CADPS: variants seen among roughly 807,000 people sequenced by gnomAD.
CADPS encodes the protein calcium dependent secretion activator.
In CADPS, 57 loss-of-function variants were observed where a neutral mutation model predicts 167.3. That is an observed-to-expected ratio of 0.34 (90% confidence interval 0.28 to 0.42). The LOEUF is 0.42. Ranked by LOEUF, CADPS falls within the 20% of genes least tolerant of loss-of-function variation. The probability of loss-of-function intolerance (pLI) is 1.00; values close to 1 mark genes in which losing one functional copy is unlikely to be tolerated. For synonymous variants in CADPS, 676 were observed against 635.3 expected, an observed-to-expected ratio of 1.06 and a Z score of -0.96; for missense variants, 1,414 against 1,738.1, an observed-to-expected ratio of 0.81 and a Z score of 3.32.
At chr3:62,715,247 T>G (rs1396130381) in intron 3 of CADPS, among the ~76,000 whole-genome samples, 1 of 152,068 alleles carries the variant, frequency 6.6e-6, no homozygotes, top group Non-Finnish European at 1.5e-5. Flanking sequence ...CTATTCTCTT[T>G]ATTTTAGCAC....
At chr3:62,470,822 G>A (rs973429972) in intron 24 of CADPS, 2 of 150,102 alleles carry the variant, frequency 1.3e-5, no homozygotes, top group African/African-American at 5.0e-5. Context: ...AAGATATTCA[G>A]TCTAGATGTG....
intron 10 of CADPS, among the ~76,000 whole-genome samples, chr3:62,553,452 T>C (rs1049308224): frequency 1.3e-5 from 2 of 152,210 alleles, no homozygotes; most frequent in African/African-American, 2.4e-5. Flanking sequence ...CTGGGTTGTA[T>C]GTGTCAGAGC....
At chr3:62,750,585 A>T (rs1234802419) in intron 3 of CADPS, among the ~76,000 whole-genome samples, 2 of 152,172 alleles carry the variant, frequency 1.3e-5, no homozygotes, top group African/African-American at 4.8e-5. Flanking sequence ...ACTGTGTTTA[A>T]GGTAGAAATT....
chr3:62,480,061 T>A (rs1238215323), intron 22 of CADPS, among the ~76,000 whole-genome samples: 1 of 152,124 alleles, frequency 6.6e-6, no homozygotes, highest in East Asian at 1.9e-4. Context: ...TTGTAGGGTT[T>A]TTTTTTTCTT....
At chr3:62,852,385 T>G (rs922456564) in intron 1 of CADPS, among the ~76,000 whole-genome samples, 1 of 152,170 alleles carries the variant, frequency 6.6e-6, no homozygotes, top group Non-Finnish European at 1.5e-5. Flanking sequence ...CTGGGAGCTG[T>G]AGACCGGAGC....
rs371622824 is a variant in CADPS, at chr3:62,403,066, A to T, written c.3882+15T>A. On this transcript the variant is annotated intron_variant, in intron 29 of 29. Transcript: ENST00000383710. The stretch of plus-strand genomic sequence containing the variant: ...TAAGCTATTTGCAAAGAAGAATAAT[A>T]ATCTTTTCTTTTACCTTTACCATCC... The T allele has an allele frequency of 6.7e-7, 1 of 1,482,524 alleles. No individual in the cohort carries two copies. The highest frequency in any genetic ancestry group is 9.4e-7 in the Non-Finnish European group (1 of 1,063,606). The allele number at this position is 1,482,524 out of a possible 1,614,324, so 91.8% of individuals were successfully genotyped here.
intron 3 of CADPS, among the ~76,000 whole-genome samples, chr3:62,738,079 T>C (rs1329301143): frequency 3.9e-5 from 6 of 152,148 alleles, no homozygotes; most frequent in African/African-American, 1.4e-4. Flanking sequence ...GACACTCAAT[T>C]CACATTGAAT....
At chr3:62,728,549 A>T (rs2077169425) in intron 3 of CADPS, among the ~76,000 whole-genome samples, 1 of 151,890 alleles carries the variant, frequency 6.6e-6, no homozygotes, top group Admixed American at 6.6e-5. Flanking sequence ...ACCCACCTCA[A>T]ATATGGCATT....
chr3:62,716,741 C>T (rs770965414), intron 3 of CADPS, among the ~76,000 whole-genome samples: 1 of 152,200 alleles, frequency 6.6e-6, no homozygotes. Context: ...ATCATCTGCT[C>T]ATTGTGACTA....
chr3:62,515,286 C>CCACTG (rs2068710598), intron 16 of CADPS, among the ~76,000 whole-genome samples: 1 of 152,070 alleles, frequency 6.6e-6, no homozygotes, highest in Non-Finnish European at 1.5e-5. Flanking sequence ...TACACTTACA[C>CCACTG]CACTGGTCAA....
chr3:62,637,529 C>T (rs1175985645), intron 6 of CADPS, among the ~76,000 whole-genome samples: 1 of 152,180 alleles, frequency 6.6e-6, no homozygotes, highest in Admixed American at 6.5e-5. Context: ...TGAGTGTGTA[C>T]ACTAATGTGG....
chr3:62,510,257 T>C (rs2067533633), intron 17 of CADPS, among the ~76,000 whole-genome samples: 2 of 149,708 alleles, frequency 1.3e-5, no homozygotes, highest in South Asian at 4.2e-4. Context: ...TCTGTCTATA[T>C]CTATCTGCTG....
At chr3:62,675,267 T>C (rs960084412) in intron 3 of CADPS, among the ~76,000 whole-genome samples, 2 of 146,718 alleles carry the variant, frequency 1.4e-5, no homozygotes, top group African/African-American at 5.0e-5. Context: ...AGTTAGAAAA[T>C]GAAAAAAAAA....
rs567342374 is a variant in CADPS, at chr3:62,672,254, AAC to A, written c.889-9862_889-9861del. Among the ~76,000 whole-genome samples the A allele has an allele frequency of 3.4e-3, 511 of 152,280 alleles. 1 individual carries two copies. Among genetic ancestry groups the A allele is most frequent in the Non-Finnish European group, 5.8e-3 (392 of 68,018 alleles). On this transcript the variant is annotated intron_variant, in intron 3 of 29. Transcript: ENST00000383710. Reference sequence around the variant, plus strand: ...TTTGATTCAGCAGGCTTGAGGTGACAACCAAGAATTCATCCTTCTAAACATCT... The same window carrying A: ...TTTGATTCAGCAGGCTTGAGGTGACACAAGAATTCATCCTTCTAAACATCT...
intron 7 of CADPS, among the ~76,000 whole-genome samples, chr3:62,588,996 T>A (rs2085308395): frequency 6.6e-6 from 1 of 152,188 alleles, no homozygotes; most frequent in Admixed American, 6.5e-5. Flanking sequence ...TGGGAAGGGA[T>A]ACGAGGGTGA....
At chr3:62,526,598 A>G (rs991620507) in intron 13 of CADPS, among the ~76,000 whole-genome samples, 9 of 152,202 alleles carry the variant, frequency 5.9e-5, no homozygotes, top group Non-Finnish European at 7.3e-5. Flanking sequence ...TATTATGGTG[A>G]GAATTAAGTA....
rs115706874 is a variant in CADPS, at chr3:62,640,326, A to G, written c.1325+5396T>C. On this transcript the variant is annotated intron_variant, in intron 6 of 29. Coordinates refer to ENST00000383710, the MANE Select transcript of CADPS (RefSeq NM_003716.4). ...ATGAGGCAAGCAACTGGAGGGAACA[A>G]CTTCCTTTTCTGACTTTGTAACTGA... 1.3e-3 allele frequency among the ~76,000 whole-genome samples: 195 copies of G among 152,182 alleles called. 2 individuals are homozygous for G. Among genetic ancestry groups the G allele is most frequent in the African/African-American group, 4.1e-3 (172 of 41,482 alleles).
Position 62,766,150 on chromosome 3 carries a change from A to G in CADPS, c.442-166T>C, listed in dbSNP as rs922182597. On this transcript the variant is annotated intron_variant, in intron 1 of 29. Transcript: ENST00000383710. Reference sequence around the variant, plus strand: ...GGAAACTTCTGTGAGCCAGTGTTAAACACAGCCATTATTTTAAAATAATAT... The same window carrying G: ...GGAAACTTCTGTGAGCCAGTGTTAAGCACAGCCATTATTTTAAAATAATAT... Among the ~76,000 whole-genome samples the G allele has an allele frequency of 2.0e-5, 3 of 152,222 alleles. No homozygotes were observed. In the East Asian group the frequency reaches 5.8e-4, roughly 29 times the overall value.
Position 62,533,013 on chromosome 3 carries a change from C to A in CADPS, c.2149G>T (p.Ala717Ser). ...TGACACCCCCGGACTCCATTTCGGG[C>A]GCAATACTCGTCTAGTACAAACACC... ...GQVFVLDEYC[A>S]RNGVRGCHRH... Residue 717 changes from alanine (A) to serine (S), a missense_variant, in exon 13 of 30, where the codon GCC becomes TCC. Transcript: ENST00000383710. 6.2e-7 allele frequency: 1 copy of A among 1,613,668 alleles called. No individual in the cohort carries two copies. The highest frequency in any genetic ancestry group is 1.1e-5 in the South Asian group (1 of 91,070).
Sources: gnomAD v4.1 joint callset for allele counts (sites outside exome capture counted in the v4.1 genomes callset) on GRCh38, gnomAD v4.1.1 for gene constraint, MANE v1.5 for transcripts, NCBI Gene and HGNC (gene_info 2026-07-23, HGNC 2026-07-21) for gene names.